The following ADAMTS17 variants were observed in gnomAD, a reference collection of about 807,000 sequenced individuals.
ADAMTS17 encodes A disintegrin and metalloproteinase with thrombospondin motifs 17.
ADAMTS17 carries 113 observed loss-of-function variants against 141.5 expected under a neutral mutation model. The observed-to-expected ratio is 0.80, with a 90% CI of 0.69 to 0.93. The LOEUF is 0.93. Ranked by LOEUF, ADAMTS17 falls within the 40% of genes least tolerant of loss-of-function variation. The probability of loss-of-function intolerance (pLI) is 0.00; values close to 1 mark genes in which losing one functional copy is unlikely to be tolerated. For synonymous variants in ADAMTS17, 768 were observed against 630.6 expected, an observed-to-expected ratio of 1.22 and a Z score of -3.27; for missense variants, 1,659 against 1,517.9, an observed-to-expected ratio of 1.09 and a Z score of -1.54.
intron 7 of ADAMTS17, among the ~76,000 whole-genome samples, chr15:100,247,482 G>C (rs1265366859): frequency 6.6e-6 from 1 of 152,170 alleles, no homozygotes; most frequent in Non-Finnish European, 1.5e-5. Flanking sequence ...TGGCTCACTT[G>C]TGACGGAAAT....
chr15:100,171,016 C>G (rs1433534679), intron 8 of ADAMTS17, among the ~76,000 whole-genome samples: 1 of 152,152 alleles, frequency 6.6e-6, no homozygotes, highest in African/African-American at 2.4e-5. Context: ...TGCCTGCTGC[C>G]CCCCTTAGGG....
chr15:100,314,116 C>G (rs2045488001), intron 3 of ADAMTS17, among the ~76,000 whole-genome samples: 1 of 152,162 alleles, frequency 6.6e-6, no homozygotes, highest in African/African-American at 2.4e-5. Context: ...AGACATCCTA[C>G]AAAATAACTA....
intron 15 of ADAMTS17, among the ~76,000 whole-genome samples, chr15:100,059,258 G>A (rs2032916555): frequency 6.6e-6 from 1 of 152,272 alleles, no homozygotes; most frequent in African/African-American, 2.4e-5. Context: ...GAATACACTT[G>A]GCATGCCCAC....
intron 8 of ADAMTS17, among the ~76,000 whole-genome samples, chr15:100,158,617 A>G (rs1347265864): frequency 1.3e-5 from 2 of 152,136 alleles, no homozygotes; most frequent in African/African-American, 4.8e-5. Flanking sequence ...CCCTGGCAAT[A>G]CAAGCCCACT....
chr15:100,290,522 T>A (rs935725524), intron 3 of ADAMTS17, among the ~76,000 whole-genome samples: 2 of 152,180 alleles, frequency 1.3e-5, no homozygotes, highest in Non-Finnish European at 2.9e-5. Flanking sequence ...AAAATTCATA[T>A]GGAACCAGGA....
intron 7 of ADAMTS17, among the ~76,000 whole-genome samples, chr15:100,240,104 C>T (rs1222893439): frequency 5.3e-5 from 8 of 152,184 alleles, no homozygotes; most frequent in Non-Finnish European, 1.2e-4. Context: ...CATCACTGTA[C>T]TCATTCCTGT....
chr15:100,064,871 T>G (rs1292058643), intron 15 of ADAMTS17, among the ~76,000 whole-genome samples: 2 of 152,184 alleles, frequency 1.3e-5, no homozygotes, highest in African/African-American at 4.8e-5. Context: ...TATTTGGGAT[T>G]TAGACAAGCG....
intron 3 of ADAMTS17, among the ~76,000 whole-genome samples, chr15:100,303,219 CA>C (rs1218281309): frequency 6.9e-6 from 1 of 144,358 alleles, no homozygotes; most frequent in Non-Finnish European, 1.5e-5. Flanking sequence ...ATATATGTAA[CA>C]TATATATTAT....
rs767903685 is a variant in ADAMTS17, at chr15:100,152,733, G to A, written c.1352C>T (p.Thr451Met). 11 of 1,614,086 alleles carry A rather than the reference G, an allele frequency of 6.8e-6. No homozygotes were observed. The highest frequency in any genetic ancestry group is 3.3e-4 in the Middle Eastern group (2 of 6,084). ...KSKVSTCLLV[T>M]DPRSQHTVRL... Reference sequence around the variant, plus strand: ...TACTGTGTGCTGGCTTCTGGGGTCCGTGACTAGCAAGCAGGTGCTGACTTT... The same window carrying A: ...TACTGTGTGCTGGCTTCTGGGGTCCATGACTAGCAAGCAGGTGCTGACTTT... Residue 451 changes from threonine to methionine, a missense_variant, in exon 10 of 22, where the codon ACG becomes ATG. Transcript: ENST00000268070.
intron 8 of ADAMTS17, among the ~76,000 whole-genome samples, chr15:100,158,223 G>A (rs1394982813): frequency 6.6e-6 from 1 of 152,052 alleles, no homozygotes; most frequent in Non-Finnish European, 1.5e-5. Flanking sequence ...TTTTTTCAAT[G>A]CAATTACTCA....
intron 4 of ADAMTS17, 36 bp downstream of exon 4, chr15:100,281,193 G>C (rs1405539936): frequency 6.3e-7 from 1 of 1,599,500 alleles, no homozygotes; most frequent in South Asian, 1.1e-5. Flanking sequence ...GGAGAAAACA[G>C]AGCCCCCCAC....
At chr15:100,233,162 C>T (rs1435683011) in intron 7 of ADAMTS17, among the ~76,000 whole-genome samples, 3 of 152,128 alleles carry the variant, frequency 2.0e-5, no homozygotes, top group African/African-American at 7.2e-5. Flanking sequence ...AATCCCGTCT[C>T]TACTAAAAAG....
In ADAMTS17 at chr15:100,108,970, C is replaced by CGAA; in HGVS notation, c.2016+16_2016+18dup. On this transcript the variant is annotated intron_variant, in intron 14 of 21. Transcript: ENST00000268070. ...TCCTCTCCAAAGCCCCACCAAGGAC[C>CGAA]GAAGGAGAAGTACGTCACCTGGCAC... 6.2e-7 allele frequency: 1 copy of CGAA among 1,613,300 alleles called. No homozygotes were observed. Among genetic ancestry groups the CGAA allele is most frequent in the Non-Finnish European group, 8.5e-7 (1 of 1,179,858 alleles).
intron 18 of ADAMTS17, among the ~76,000 whole-genome samples, chr15:100,012,521 T>C (rs2061206558): frequency 6.6e-6 from 1 of 152,252 alleles, no homozygotes; most frequent in African/African-American, 2.4e-5. Context: ...TTTCAGGTCT[T>C]AGATTTAAGT....
intron 3 of ADAMTS17, among the ~76,000 whole-genome samples, chr15:100,329,434 G>A (rs924010450): frequency 4.0e-5 from 6 of 151,362 alleles, no homozygotes; most frequent in Non-Finnish European, 1.5e-5. Context: ...ACTCAGGAGC[G>A]AGGATCACCT....
intron 9 of ADAMTS17, 44 bp from the exon 10 acceptor site, chr15:100,152,806 A>G (rs960758646): frequency 4.4e-6 from 7 of 1,603,056 alleles, no homozygotes; most frequent in African/African-American, 2.7e-5. Flanking sequence ...TGTACTGCCT[A>G]GGTTTTTTTG....
chr15:100,250,306 G>A (rs982462385), intron 7 of ADAMTS17, among the ~76,000 whole-genome samples: 9 of 152,060 alleles, frequency 5.9e-5, no homozygotes, highest in African/African-American at 1.2e-4. Flanking sequence ...TAGTTATCTC[G>A]AGGTACCAGA....
At position 100,195,260 on chromosome 15, in the gene ADAMTS17, A is replaced by G. The variant is rs111874433; in HGVS notation, c.1181+4058T>C. ...CACAGCACCTGCACCAGGACTTGCC[A>G]TCCCCCAGCTCGTGTCCGCAGCAGG... is the stretch of plus-strand genomic sequence containing the variant. On this transcript the variant is annotated intron_variant, in intron 8 of 21. Coordinates refer to ENST00000268070, the MANE Select transcript of ADAMTS17 (RefSeq NM_139057.4). Among the ~76,000 whole-genome samples, 1,452 of 152,276 alleles carry G rather than the reference A, an allele frequency of 9.5e-3. 30 individuals carry two copies. The highest frequency in any genetic ancestry group is 0.034 in the African/African-American group (1,399 of 41,558).
At chr15:100,283,583 A>G (rs1302374674) in intron 3 of ADAMTS17, among the ~76,000 whole-genome samples, 1 of 152,196 alleles carries the variant, frequency 6.6e-6, no homozygotes, top group Non-Finnish European at 1.5e-5. Flanking sequence ...CATTTCTTTG[A>G]GTCACCATCT....
Sources: allele counts gnomAD v4.1 joint callset (sites outside exome capture counted in the v4.1 genomes callset), GRCh38; gene constraint gnomAD v4.1.1; transcripts MANE v1.5; gene names NCBI Gene and HGNC (gene_info 2026-07-23, HGNC 2026-07-21).